The following STK3 variants were observed in gnomAD, a reference collection of about 807,000 sequenced individuals.
STK3 encodes serine/threonine-protein kinase 3.
In STK3, 41 loss-of-function variants were observed where a neutral mutation model predicts 58.0. The observed-to-expected ratio is 0.71, with a 90% confidence interval of 0.55 to 0.92. The LOEUF (loss-of-function observed/expected upper bound fraction) is 0.92, where lower values mean the gene tolerates loss of function less well. STK3 is among the 40% of genes least tolerant of loss of function. The pLI is 0.00. For synonymous variants in STK3, 170 were observed against 191.0 expected (o/e 0.89, Z 0.91); for missense variants, 479 against 602.7 (o/e 0.79, Z 2.15).
At chr8:98,420,396 T>C (rs977938435) in intron 3 of STK3, among the ~76,000 whole-genome samples, 2 of 152,224 alleles carry the variant, frequency 1.3e-5, no homozygotes, top group Non-Finnish European at 2.9e-5. Flanking sequence ...AATTGTTCTA[T>C]TCTATTATTA....
intron 6 of STK3, among the ~76,000 whole-genome samples, chr8:98,615,215 C>T (rs1312558907): frequency 7.3e-5 from 11 of 150,948 alleles, no homozygotes; most frequent in East Asian, 2.0e-4. Flanking sequence ...ACACCTCACA[C>T]GGCAGGGTAT....
chr8:98,479,455 C>T (rs1446644691), intron 10 of STK3, among the ~76,000 whole-genome samples: 1 of 123,812 alleles, frequency 8.1e-6, no homozygotes, highest in African/African-American at 3.3e-5. Context: ...CCACTGCACT[C>T]CAGCCTGGGT....
intron 10 of STK3, among the ~76,000 whole-genome samples, chr8:98,499,015 G>A (rs1159817660): frequency 6.6e-6 from 1 of 152,138 alleles, no homozygotes; most frequent in Non-Finnish European, 1.5e-5. Context: ...TGAATAACTT[G>A]GATGGGCCCT....
chr8:98,749,200 C>A, intron 4 of STK3, 76 bp downstream of exon 4: 6 of 1,151,984 alleles, frequency 5.2e-6, no homozygotes, highest in Non-Finnish European at 7.6e-6. Flanking sequence ...TTCTGTGTAA[C>A]AAAATACCAA....
In STK3 at chr8:98,566,178, A is replaced by C. The variant is rs1406706312; in HGVS notation, c.948+13486T>G. Among the ~76,000 whole-genome samples, 4 of 152,162 alleles carry C rather than the reference A, an allele frequency of 2.6e-5. No homozygotes were observed. The South Asian group carries it at 8.3e-4, about 32-fold the overall frequency. On this transcript the variant is annotated intron_variant, in intron 8 of 10. Transcript: ENST00000419617. ...AAGGCACTATTTCCAATCATGCTCC[A>C]TACTTTTCTTGAATAAAAAATATTT...
downstream of STK3, among the ~76,000 whole-genome samples, chr8:98,367,153 A>G (rs1413623031): frequency 6.6e-6 from 1 of 152,236 alleles, no homozygotes; most frequent in Non-Finnish European, 1.5e-5. Flanking sequence ...GGGTTGTTAT[A>G]AGAATTGTGT....
chr8:98,806,718 TG>T (rs1201761869), intron 1 of STK3, among the ~76,000 whole-genome samples: 1 of 152,094 alleles, frequency 6.6e-6, no homozygotes, highest in African/African-American at 2.4e-5. Flanking sequence ...AGATAATCTA[TG>T]TACTTCTCTA....
At chr8:98,659,326 C>T (rs1821793717) in intron 6 of STK3, among the ~76,000 whole-genome samples, 1 of 151,976 alleles carries the variant, frequency 6.6e-6, no homozygotes, top group Admixed American at 6.6e-5. Flanking sequence ...CACCAAATTT[C>T]TTTTCCATTT....
chr8:98,622,957 T>C (rs1402178272), intron 6 of STK3, among the ~76,000 whole-genome samples: 3 of 152,170 alleles, frequency 2.0e-5, no homozygotes, highest in Non-Finnish European at 1.5e-5. Flanking sequence ...GTAATAATGA[T>C]TGAGCAGTAG....
intron 10 of STK3, among the ~76,000 whole-genome samples, chr8:98,514,227 A>C (rs1171291004): frequency 6.6e-6 from 1 of 152,104 alleles, no homozygotes; most frequent in African/African-American, 2.4e-5. Flanking sequence ...GTGAGACTTA[A>C]ATCAAATTTG....
At chr8:98,586,981 T>C (rs1465847881) in intron 7 of STK3, among the ~76,000 whole-genome samples, 1 of 152,092 alleles carries the variant, frequency 6.6e-6, no homozygotes, top group African/African-American at 2.4e-5. Flanking sequence ...ATTTGATTCT[T>C]CTCTCTTTTT....
rs61136775 is a variant in STK3 at position 98,467,548 on chromosome 8, A to ATGTGTGTGTG, written c.1318-11558_1318-11549dup. Among the ~76,000 whole-genome samples, 115 of 148,186 alleles carry ATGTGTGTGTG rather than the reference A, an allele frequency of 7.8e-4. 1 individual carries two copies. The highest frequency in any genetic ancestry group is 3.5e-3 in the Admixed American group (52 of 14,812). Reference sequence around the variant, plus strand: ...CACATCTATTAACTCTATTTAAAAAATGTGTGTGTGTGTGTGTGTGTGTGT... The same window carrying ATGTGTGTGTG: ...CACATCTATTAACTCTATTTAAAAAATGTGTGTGTGTGTGTGTGTGTGTGTGTGTGTGTGT... On this transcript the variant is annotated intron_variant, in intron 10 of 10. Coordinates refer to ENST00000419617, the MANE Select transcript of STK3 (RefSeq NM_006281.4).
At position 98,832,420 on chromosome 8, in the gene STK3, G is replaced by A. The variant is rs187141091; in HGVS notation, c.110+51227C>T. On this transcript the variant is annotated intron_variant, in intron 3 of 12. Coordinates refer to the STK3 transcript ENST00000523601. ...GCTATATACTTCAAAAGGTGAAACC[G>A]AAGACACAGAGGCATCCTGTGTGCA... Among the ~76,000 whole-genome samples, 1,424 of 152,054 alleles carry A rather than the reference G, an allele frequency of 9.4e-3. 9 individuals are homozygous for A. The highest frequency in any genetic ancestry group is 0.015 in the Non-Finnish European group (1,009 of 67,996).
intron 6 of STK3, among the ~76,000 whole-genome samples, chr8:98,623,951 C>CT (rs1414315232): frequency 6.6e-6 from 1 of 152,194 alleles, no homozygotes; most frequent in African/African-American, 2.4e-5. Flanking sequence ...ATCACCCAGT[C>CT]TTTAGCATTT....
chr8:98,424,533 G>C (rs1818207118), intron 3 of STK3, among the ~76,000 whole-genome samples: 1 of 152,168 alleles, frequency 6.6e-6, no homozygotes, highest in African/African-American at 2.4e-5. Context: ...CAGGGGCCCA[G>C]GCAGAGCCTG....
downstream of STK3, chr8:98,401,387 G>A (rs1186285876): frequency 6.6e-6 from 1 of 152,218 alleles, no homozygotes; most frequent in African/African-American, 2.4e-5. Flanking sequence ...GATTATTGTT[G>A]TTTGATGCCA....
chr8:98,746,493 G>C (rs932529211), intron 4 of STK3, among the ~76,000 whole-genome samples: 1 of 152,058 alleles, frequency 6.6e-6, no homozygotes, highest in African/African-American at 2.4e-5. Flanking sequence ...CACGACTGTG[G>C]TTCCAGCTAC....
At chr8:98,872,982 A>T (rs1369060508) in intron 3 of STK3, among the ~76,000 whole-genome samples, 1 of 152,118 alleles carries the variant, frequency 6.6e-6, no homozygotes, top group Non-Finnish European at 1.5e-5. Context: ...ATTTAGTGCT[A>T]TAAATTTCCC....
intron 3 of STK3, chr8:98,427,917 C>A (rs1818261114): frequency 2.9e-6 from 4 of 1,375,596 alleles, no homozygotes; most frequent in South Asian, 1.5e-5. Flanking sequence ...CTCTCGCCGA[C>A]GCTGTTCCCT....
Sources: gnomAD v4.1 joint callset for allele counts (sites outside exome capture counted in the v4.1 genomes callset) on GRCh38, gnomAD v4.1.1 for gene constraint, MANE v1.5 for transcripts, NCBI Gene and HGNC (gene_info 2026-07-23, HGNC 2026-07-21) for gene names.